Variants in TMEM266 observed in about 807,000 individuals in gnomAD.
TMEM266 encodes transmembrane protein 266, also known as Hv1 related protein 1.
TMEM266 carries 33 observed loss-of-function variants against 50.5 expected under a neutral mutation model. The ratio of observed to expected loss-of-function variants is 0.65; its 90% CI spans 0.50 to 0.87. The LOEUF is 0.87. TMEM266 is among the 40% of genes least tolerant of loss of function. The pLI is 0.00. For missense variants in TMEM266, 655 were observed against 695.1 expected (o/e 0.94, Z 0.65); for synonymous variants, 310 against 292.3 (o/e 1.06, Z -0.62).
chr15:76,132,338 T>G (rs1417305924), intron 1 of TMEM266, among the ~76,000 whole-genome samples: 1 of 151,810 alleles, frequency 6.6e-6, no homozygotes. Flanking sequence ...CTTGATCTCC[T>G]GACCTCATGA....
Position 76,138,449 on chromosome 15 carries a change from C to T in TMEM266, c.227+554C>T, listed in dbSNP as rs542894367. Among the ~76,000 whole-genome samples, 9 of 152,190 alleles carry T rather than the reference C, an allele frequency of 5.9e-5. No homozygotes were observed. The South Asian group carries it at 1.0e-3, about 18-fold the overall frequency. On this transcript the variant is annotated intron_variant, in intron 3 of 10. Transcript: ENST00000388942. ...AGAATCATAAAATTTATTTTAGGAC[C>T]GAGGCACTCCTTAATGACCCATCCA...
chr15:76,124,265 A>G (rs1324601180), intron 1 of TMEM266, among the ~76,000 whole-genome samples: 1 of 152,232 alleles, frequency 6.6e-6, no homozygotes. Context: ...TGTAGCAGCC[A>G]TTCTGCAACC....
chr15:76,085,365 C>T (rs1361897046), intron 1 of TMEM266, among the ~76,000 whole-genome samples: 1 of 151,748 alleles, frequency 6.6e-6, no homozygotes, highest in African/African-American at 2.4e-5. Context: ...TCAAGCTATT[C>T]TCGTGCCTCA....
chr15:76,069,687 G>A (rs1439144283), intron 1 of TMEM266, among the ~76,000 whole-genome samples: 3 of 152,068 alleles, frequency 2.0e-5, no homozygotes, highest in South Asian at 2.1e-4. Context: ...ACATGGTGGT[G>A]CACGCCTGTA....
intron 5 of TMEM266, among the ~76,000 whole-genome samples, chr15:76,167,500 T>TGTG (rs1181993458): frequency 2.0e-5 from 3 of 151,134 alleles, no homozygotes; most frequent in African/African-American, 7.3e-5. Context: ...CATATTATTA[T>TGTG]GTGGTGTGTG....
intron 1 of TMEM266, among the ~76,000 whole-genome samples, chr15:76,080,356 AT>A (rs1422103273): frequency 1.2e-4 from 1 of 8,686 alleles, no homozygotes; most frequent in African/African-American, 5.0e-4. Flanking sequence ...TGGTCAAGCG[AT>A]TCTCCTGCCT....
intron 1 of TMEM266, among the ~76,000 whole-genome samples, chr15:76,117,081 C>T (rs4886768): frequency 0.31 from 47,574 of 151,332 alleles, 8,799 homozygotes; most frequent in East Asian, 0.62. Context: ...GTATTTTTAG[C>T]AGAGACAGCA....
Position 76,075,837 on chromosome 15 carries a change from CTTTTTTTTTTTTTTTTT to C in TMEM266, c.-97+15842_-97+15858del, listed in dbSNP as rs71140194. 1.3e-3 allele frequency among the ~76,000 whole-genome samples: 31 copies of C among 23,592 alleles called. 2 individuals carry two copies. In the South Asian group the frequency reaches 0.056, roughly 42 times the overall value. The allele number at this position is 23,592 out of a possible 152,430, so 15.5% of individuals were successfully genotyped here. On this transcript the variant is annotated intron_variant, in intron 1 of 10. Coordinates refer to ENST00000388942, the MANE Select transcript of TMEM266 (RefSeq NM_152335.3). ...CTGGAGGAGAATGAAGAGAAGGCAG[CTTTTTTTTTTTTTTTTT>C]TTTTTTTTTTTTTTTTTTTTGAGAC...
intron 7 of TMEM266, chr15:76,175,256 C>G: frequency 3.7e-6 from 1 of 271,050 alleles, no homozygotes; most frequent in Admixed American, 5.0e-5. Flanking sequence ...GGTCTTGTGG[C>G]CACCCATAGC....
At chr15:76,143,603 G>A (rs2037714018) in intron 3 of TMEM266, among the ~76,000 whole-genome samples, 1 of 152,092 alleles carries the variant, frequency 6.6e-6, no homozygotes, top group Non-Finnish European at 1.5e-5. Flanking sequence ...CCATTCTCCC[G>A]CCTCGGCCTC....
At chr15:76,184,779 G>C (rs1250340542) in intron 8 of TMEM266, among the ~76,000 whole-genome samples, 1 of 152,220 alleles carries the variant, frequency 6.6e-6, no homozygotes, top group African/African-American at 2.4e-5. Context: ...GGCCCCGATG[G>C]AAGGGGCCTG....
At chr15:76,178,364 T>C (rs1475331213) in intron 8 of TMEM266, among the ~76,000 whole-genome samples, 1 of 152,062 alleles carries the variant, frequency 6.6e-6, no homozygotes, top group African/African-American at 2.4e-5. Flanking sequence ...CAGGGTGTCA[T>C]CCAGAAAGCG....
At chr15:76,174,237 C>T (rs908822927) in intron 7 of TMEM266, among the ~76,000 whole-genome samples, 4 of 152,020 alleles carry the variant, frequency 2.6e-5, no homozygotes, top group South Asian at 2.1e-4. Flanking sequence ...ATTCACATGC[C>T]GTAAAATCCA....
chr15:76,175,428 A>G (rs867022861), intron 7 of TMEM266, 131 bp from the exon 8 acceptor site: 5 of 663,340 alleles, frequency 7.5e-6, no homozygotes, highest in East Asian at 5.5e-5. Flanking sequence ...GTACCTGGAC[A>G]TTTCCCCTTC....
chr15:76,091,882 C>T (rs941104313), intron 1 of TMEM266, among the ~76,000 whole-genome samples: 1 of 151,388 alleles, frequency 6.6e-6, no homozygotes, highest in Non-Finnish European at 1.5e-5. Context: ...TCCCAACTAC[C>T]ATGGTGGCTG....
chr15:76,145,045 C>T (rs993495302), intron 3 of TMEM266, among the ~76,000 whole-genome samples: 2 of 152,216 alleles, frequency 1.3e-5, no homozygotes, highest in Admixed American at 1.3e-4. Flanking sequence ...ACCCATCTCA[C>T]ACTCACTGAT....
intron 1 of TMEM266, among the ~76,000 whole-genome samples, chr15:76,070,737 T>C (rs2036526907): frequency 6.6e-6 from 1 of 152,314 alleles, no homozygotes; most frequent in South Asian, 2.1e-4. Flanking sequence ...ATGCTATAAC[T>C]ACATTGCAAG....
intron 1 of TMEM266, among the ~76,000 whole-genome samples, chr15:76,074,167 C>T (rs1433634251): frequency 2.0e-5 from 3 of 152,078 alleles, no homozygotes; most frequent in Non-Finnish European, 4.4e-5. Context: ...TCCTACTACC[C>T]ATAGATAATT....
At chr15:76,082,841 C>T (rs1324257652) in intron 1 of TMEM266, among the ~76,000 whole-genome samples, 2 of 152,044 alleles carry the variant, frequency 1.3e-5, no homozygotes, top group Non-Finnish European at 2.9e-5. Flanking sequence ...TGGTGGCCAG[C>T]GCCTGTAATC....
Sources: allele counts gnomAD v4.1 joint callset (sites outside exome capture counted in the v4.1 genomes callset), GRCh38; gene constraint gnomAD v4.1.1; transcripts MANE v1.5; gene names NCBI Gene and HGNC (gene_info 2026-07-23, HGNC 2026-07-21).